CPN1: variants seen among roughly 807,000 people sequenced by gnomAD.
CPN1 encodes carboxypeptidase N catalytic chain.
A neutral mutation model predicts 46.4 loss-of-function variants in CPN1; 37 were observed. The observed-to-expected ratio is 0.80, with a 90% CI of 0.61 to 1.05. CPN1 has a LOEUF of 1.05. Among genes scored for constraint, CPN1 ranks in the 50% least tolerant of loss-of-function variants. The probability of loss-of-function intolerance (pLI) is 0.00; values close to 1 mark genes in which losing one functional copy is unlikely to be tolerated. For synonymous variants in CPN1, 224 were observed against 235.4 expected, an observed-to-expected ratio of 0.95 and a Z score of 0.44; for missense variants, 563 against 602.6, an observed-to-expected ratio of 0.93 and a Z score of 0.69.
At position 100,075,773 on chromosome 10, in the gene CPN1, T is replaced by A. The variant is rs1028850727; in HGVS notation, c.420+138A>T. ...ATCCTTTCTTATATTTCTGATGGAT[T>A]TTTTCTCTTGGCCATTTCATCTTTT... On this transcript the variant is annotated intron_variant, in intron 2 of 8. Transcript: ENST00000370418. 12 of 974,100 alleles carry A rather than the reference T, an allele frequency of 1.2e-5. No individual in the cohort carries two copies. The African/African-American group carries it at 1.9e-4, about 16-fold the overall frequency. 60.3% of individuals were successfully genotyped at this position (974,100 alleles called of 1,614,324 possible). A position where few individuals can be genotyped will look rare whatever the true frequency, so the allele number is the denominator to read the frequency against.
chr10:100,042,734 A>T (rs1400919552), intron 8 of CPN1, among the ~76,000 whole-genome samples, 161 bp from the exon 9 acceptor site: 5 of 152,142 alleles, frequency 3.3e-5, no homozygotes, highest in Non-Finnish European at 7.4e-5. Context: ...CAAAATTGGT[A>T]TGCAATCATT....
chr10:100,081,325 C>T lies in CPN1; in HGVS notation c.223+78G>A, dbSNP rs564873978. 4.4e-6 allele frequency: 6 copies of T among 1,351,452 alleles called. No homozygotes were observed. The South Asian group carries it at 6.2e-5, about 14-fold the overall frequency. 83.7% of individuals were successfully genotyped at this position (1,351,452 alleles called of 1,614,324 possible). A position where few individuals can be genotyped will look rare whatever the true frequency, so the allele number is the denominator to read the frequency against. On this transcript the variant is annotated intron_variant, in intron 1 of 8. Coordinates refer to ENST00000370418, the MANE Select transcript of CPN1 (RefSeq NM_001308.3). Reference sequence around the variant, plus strand: ...TAGGCGGAGGCGTCCACGGACCACCCCAGAAACCACTCCAATTACTGGATT... The same window carrying T: ...TAGGCGGAGGCGTCCACGGACCACCTCAGAAACCACTCCAATTACTGGATT...
At chr10:100,055,354 C>A (rs939204554) in intron 6 of CPN1, among the ~76,000 whole-genome samples, 13 of 151,680 alleles carry the variant, frequency 8.6e-5, no homozygotes, top group South Asian at 8.3e-4. Flanking sequence ...CATTATCCCC[C>A]CCCCCAGCCC....
chr10:100,045,917 C>T (rs938203472), intron 8 of CPN1, among the ~76,000 whole-genome samples: 1 of 152,092 alleles, frequency 6.6e-6, no homozygotes, highest in Non-Finnish European at 1.5e-5. Context: ...GAAAGGCTGA[C>T]TTTTAGGAAA....
chr10:100,052,043 G>A (rs1018942284), intron 7 of CPN1, among the ~76,000 whole-genome samples: 10 of 151,526 alleles, frequency 6.6e-5, no homozygotes, highest in Non-Finnish European at 1.2e-4. Context: ...CGAGTAGCTG[G>A]GACTACAGAC....
At chr10:100,057,461 AG>A (rs991142501) in intron 5 of CPN1, among the ~76,000 whole-genome samples, 46 of 152,292 alleles carry the variant, frequency 3.0e-4, no homozygotes, top group African/African-American at 1.0e-3. Flanking sequence ...AATTAGTATA[AG>A]GGACCAGGTT....
intron 5 of CPN1, among the ~76,000 whole-genome samples, chr10:100,060,336 C>T (rs991049594): frequency 6.6e-5 from 10 of 151,998 alleles, no homozygotes; most frequent in Non-Finnish European, 1.2e-4. Context: ...CTGAGGCGGG[C>T]GGATCACTTG....
At chr10:100,059,039 A>G (rs1302989428) in intron 5 of CPN1, among the ~76,000 whole-genome samples, 2 of 152,210 alleles carry the variant, frequency 1.3e-5, no homozygotes, top group African/African-American at 4.8e-5. Context: ...AATTAACTCA[A>G]GATGGATTGG....
intron 3 of CPN1, 60 bp from the exon 4 acceptor site, chr10:100,065,430 G>C (rs1198115929): frequency 6.3e-7 from 1 of 1,588,296 alleles, no homozygotes; most frequent in Non-Finnish European, 8.6e-7. Flanking sequence ...ACAAACGGCG[G>C]TTAGAGTAAG....
chr10:100,063,954 G>A (rs764368342), intron 4 of CPN1, among the ~76,000 whole-genome samples: 8 of 152,178 alleles, frequency 5.3e-5, no homozygotes. Context: ...GAATGTGACT[G>A]TGTGTCTAAG....
intron 7 of CPN1, among the ~76,000 whole-genome samples, chr10:100,051,538 T>A (rs1333844800): frequency 1.3e-5 from 2 of 152,140 alleles, no homozygotes; most frequent in Non-Finnish European, 2.9e-5. Flanking sequence ...AAAAATTTTT[T>A]TTTTTTTGAG....
At chr10:100,053,457 C>T (rs2041367021) in intron 7 of CPN1, among the ~76,000 whole-genome samples, 1 of 151,956 alleles carries the variant, frequency 6.6e-6, no homozygotes, top group Admixed American at 6.6e-5. Context: ...AACCCCATCT[C>T]TACAAAAAAC....
chr10:100,049,667 A>G (rs2133427007), intron 7 of CPN1, among the ~76,000 whole-genome samples: 1 of 152,084 alleles, frequency 6.6e-6, no homozygotes, highest in African/African-American at 2.4e-5. Context: ...TCAGCCTCCC[A>G]AAGTGCTGCG....
At chr10:100,076,865 G>T (rs1431179351) in intron 1 of CPN1, among the ~76,000 whole-genome samples, 1 of 152,108 alleles carries the variant, frequency 6.6e-6, no homozygotes, top group East Asian at 1.9e-4. Context: ...AATCTAAGCA[G>T]GCCAAATCTG....
chr10:100,071,743 T>C (rs902889446), intron 2 of CPN1, among the ~76,000 whole-genome samples: 18 of 152,234 alleles, frequency 1.2e-4, no homozygotes, highest in Admixed American at 1.0e-3. Context: ...ATAACAACTG[T>C]TTACATAGCA....
chr10:100,069,436 G>A (rs560362036), intron 3 of CPN1, among the ~76,000 whole-genome samples: 2 of 151,458 alleles, frequency 1.3e-5, no homozygotes, highest in Admixed American at 1.3e-4. Context: ...AGCTGAGATC[G>A]CACCATTACA....
Position 100,065,274 on chromosome 10 carries a change from G to A in CPN1, c.673C>T (p.Pro225Ser). The change falls in exon 4 of 9, where the codon CCG becomes TCG. Residue 225 changes from proline to serine, a missense_variant. Pro to Ser is a moderately conservative substitution (Grantham distance 74, BLOSUM62 -1). Coordinates refer to ENST00000370418, the MANE Select transcript of CPN1 (RefSeq NM_001308.3). ...CGGTGCTCAAAGGACTTGTCATACG[G>A]GTAATTGGCCACCACCGCCCCTCCG... ...LHGGAVVANY[P>S]YDKSFEHRVR... 6.2e-7 allele frequency: 1 copy of A among 1,614,048 alleles called. No individual in the cohort carries two copies. The highest frequency in any genetic ancestry group is 2.2e-5 in the East Asian group (1 of 44,866).
At chr10:100,052,049 C>A (rs1717264577) in intron 7 of CPN1, among the ~76,000 whole-genome samples, 1 of 150,964 alleles carries the variant, frequency 6.6e-6, no homozygotes, top group South Asian at 2.1e-4. Flanking sequence ...GCTGGGACTA[C>A]AGACCACACC....
chr10:100,076,225 G>C, intron 1 of CPN1, 118 bp from the exon 2 acceptor site: 4 of 995,140 alleles, frequency 4.0e-6, no homozygotes, highest in Non-Finnish European at 6.2e-6. Context: ...GCTTTCATTG[G>C]GTCTTTTGCA....
Sources: allele counts gnomAD v4.1 joint callset (sites outside exome capture counted in the v4.1 genomes callset), GRCh38; gene constraint gnomAD v4.1.1; transcripts MANE v1.5; gene names NCBI Gene and HGNC (gene_info 2026-07-23, HGNC 2026-07-21).